Variants in TMPRSS15 observed in about 807,000 individuals in gnomAD.
TMPRSS15 encodes transmembrane serine protease 15.
In TMPRSS15, 128 loss-of-function variants were observed where a neutral mutation model predicts 125.3. The observed-to-expected ratio is 1.02, with a 90% CI of 0.89 to 1.18. The LOEUF (loss-of-function observed/expected upper bound fraction) is 1.18. Among genes scored for constraint, TMPRSS15 ranks in the 50% most tolerant of loss-of-function variants. The pLI is 0.00. For missense variants in TMPRSS15, 1,283 were observed against 1,212.7 expected (o/e 1.06, Z -0.86); for synonymous variants, 446 against 423.2 (o/e 1.05, Z -0.66).
Position 18,372,276 on chromosome 21 carries a change from G to A in TMPRSS15, c.581C>T (p.Ala194Val), listed in dbSNP as rs751580110. ...TAAATCAGCTTTTATACACGTTAGA[G>A]CATCAGTACAAGGACTTGAACCAGG... is the stretch of plus-strand genomic sequence containing the variant. ...CLPGSSPCTD[A>V]LTCIKADLFC... The change falls in exon 6 of 25, where the codon GCT (alanine) becomes GTT (valine). Residue 194 changes from alanine (A) to valine (V), a missense_variant. Physicochemically the swap from Ala to Val is moderately conservative, Grantham distance 64 (BLOSUM62 0). Transcript: ENST00000284885. 2.5e-6 allele frequency: 4 copies of A among 1,613,230 alleles called. No individual in the cohort carries two copies. In the East Asian group the frequency reaches 8.9e-5, roughly 36 times the overall value.
intron 1 of TMPRSS15, among the ~76,000 whole-genome samples, chr21:18,419,473 C>T (rs1243455535): frequency 6.6e-6 from 1 of 152,106 alleles, no homozygotes; most frequent in Non-Finnish European, 1.5e-5. Context: ...GATCCACCTG[C>T]CTCAGCCTCC....
At chr21:18,352,074 G>GGT (rs1555902248) in intron 10 of TMPRSS15, among the ~76,000 whole-genome samples, 3 of 151,370 alleles carry the variant, frequency 2.0e-5, no homozygotes, top group Admixed American at 6.6e-5. Context: ...ACTTTTCACT[G>GGT]TTTTTTTGTA....
chr21:18,479,905 G>T (rs1359141421), intron 1 of TMPRSS15, among the ~76,000 whole-genome samples: 4 of 151,936 alleles, frequency 2.6e-5, no homozygotes, highest in Non-Finnish European at 5.9e-5. Flanking sequence ...CCCAAAGGAT[G>T]ATAAATCATT....
At chr21:18,319,548 C>T (rs2075212833) in intron 16 of TMPRSS15, among the ~76,000 whole-genome samples, 1 of 151,742 alleles carries the variant, frequency 6.6e-6, no homozygotes, top group African/African-American at 2.4e-5. Flanking sequence ...CCTGCCTCAG[C>T]CTCCCAAGTA....
intron 1 of TMPRSS15, among the ~76,000 whole-genome samples, chr21:18,414,728 T>C (rs2076175935): frequency 6.6e-6 from 1 of 152,218 alleles, no homozygotes; most frequent in Non-Finnish European, 1.5e-5. Flanking sequence ...TTTATGCATA[T>C]ATCACATGCT....
At chr21:18,304,547 T>G (rs1032296317) in intron 18 of TMPRSS15, among the ~76,000 whole-genome samples, 1 of 152,186 alleles carries the variant, frequency 6.6e-6, no homozygotes, top group Non-Finnish European at 1.5e-5. Context: ...ATCTTTATTT[T>G]TACTAACTTT....
At chr21:18,290,776 T>C (rs1431395238) in intron 21 of TMPRSS15, among the ~76,000 whole-genome samples, 1 of 152,102 alleles carries the variant, frequency 6.6e-6, no homozygotes, top group Non-Finnish European at 1.5e-5. Context: ...CTGTTTTTAG[T>C]AAAAATACTC....
chr21:18,279,858 T>A (rs573571502), intron 22 of TMPRSS15, among the ~76,000 whole-genome samples: 20 of 152,226 alleles, frequency 1.3e-4, no homozygotes, highest in Middle Eastern at 3.4e-3. Flanking sequence ...TAGGAGATTG[T>A]TTTACAGGGC....
rs997910920 is a variant in TMPRSS15, at chr21:18,467,042, A to G, written c.10+18757T>C. 5.3e-5 allele frequency among the ~76,000 whole-genome samples: 8 copies of G among 152,222 alleles called. No homozygotes were observed. In the South Asian group the frequency reaches 1.7e-3, roughly 32 times the overall value. On this transcript the variant is annotated intron_variant, in intron 1 of 7. Transcript: ENST00000422787. ...CATCAATGATAGACTGGATAAAGAAAATGTGGCACATATACACCATGGAAT... is the reference window on the plus strand; with the variant it reads ...CATCAATGATAGACTGGATAAAGAAGATGTGGCACATATACACCATGGAAT...
At chr21:18,346,862 CTT>C (rs897161233) in intron 10 of TMPRSS15, among the ~76,000 whole-genome samples, 4 of 152,154 alleles carry the variant, frequency 2.6e-5, no homozygotes, top group African/African-American at 9.7e-5. Context: ...TTTATTATCT[CTT>C]TATTTCTTAT....
chr21:18,327,559 G>A (rs1263459791), intron 15 of TMPRSS15, among the ~76,000 whole-genome samples: 1 of 151,996 alleles, frequency 6.6e-6, no homozygotes, highest in Non-Finnish European at 1.5e-5. Context: ...GAAAAGGTTG[G>A]GGAACCCTCC....
intron 1 of TMPRSS15, among the ~76,000 whole-genome samples, chr21:18,431,607 A>G (rs956371954): frequency 5.3e-5 from 8 of 152,204 alleles, no homozygotes; most frequent in Admixed American, 2.0e-4. Context: ...TCCAATAAGA[A>G]CTTTTTTCCA....
chr21:18,365,238 A>T lies in TMPRSS15; in HGVS notation c.675T>A (p.Cys225Ter), dbSNP rs376072076. ...ATCCAGTTAACAAAAATCTTCCATC[A>T]CAAACTGTGGCTGCAAAACGATGCC... ...DEDNKMCATV[C>*]DGRFLLTGSS... Residue 225 changes from cysteine to a stop codon, truncating the protein, a stop_gained, in exon 7 of 25, where the codon TGT (cysteine) becomes TGA (stop). Coordinates refer to ENST00000284885, the MANE Select transcript of TMPRSS15 (RefSeq NM_002772.3). LOFTEE classifies it high-confidence loss of function. 4 of 1,613,862 alleles carry T rather than the reference A, an allele frequency of 2.5e-6. No individual in the cohort carries two copies. Among genetic ancestry groups the T allele is most frequent in the Non-Finnish European group, 3.4e-6 (4 of 1,179,888 alleles).
intron 8 of TMPRSS15, among the ~76,000 whole-genome samples, chr21:18,356,969 C>A (rs1285796265): frequency 1.3e-5 from 2 of 151,722 alleles, no homozygotes; most frequent in East Asian, 1.9e-4. Flanking sequence ...GAATGGAATA[C>A]CAGCTAAGCA....
intron 10 of TMPRSS15, among the ~76,000 whole-genome samples, chr21:18,351,825 T>C (rs1197923965): frequency 2.6e-5 from 4 of 152,154 alleles, no homozygotes; most frequent in African/African-American, 9.7e-5. Context: ...TGAGTAAATA[T>C]AATGCTATAT....
At position 18,403,592 on chromosome 21, in the gene TMPRSS15, G is replaced by C. The variant is rs749676271; in HGVS notation, c.31C>G (p.His11Asp). The change falls in exon 1 of 25, where the codon CAT (histidine) becomes GAT (aspartate). Residue 11 changes from histidine (H) to aspartate (D), a missense_variant. Physicochemically the swap from His to Asp is moderately conservative, Grantham distance 81. Coordinates refer to ENST00000284885, the MANE Select transcript of TMPRSS15 (RefSeq NM_002772.3). ...ATTTCATAGGAGCTGAGAGAATGAT[G>C]CCTAGAAGATATGCCTCTTTTCGAC... is the stretch of plus-strand genomic sequence containing the variant. MGSKRGISSR[H>D]HSLSSYEIMF... 1 of 1,614,150 alleles carries C rather than the reference G, an allele frequency of 6.2e-7. No homozygotes were observed. The highest frequency in any genetic ancestry group is 1.1e-5 in the South Asian group (1 of 91,076).
Position 18,365,128 on chromosome 21 carries a change from A to G in TMPRSS15, c.773+12T>C. ...ATGACTTAAGAACAGAAAATATAAG[A>G]TCTTGTATTACCGTATGATCCACTG... is the stretch of plus-strand genomic sequence containing the variant. On this transcript the variant is annotated intron_variant, in intron 7 of 24. Coordinates refer to ENST00000284885, the MANE Select transcript of TMPRSS15 (RefSeq NM_002772.3). The G allele has an allele frequency of 2.5e-6, 4 of 1,603,844 alleles. No homozygotes were observed. The highest frequency in any genetic ancestry group is 3.4e-6 in the Non-Finnish European group (4 of 1,170,660).
intron 1 of TMPRSS15, among the ~76,000 whole-genome samples, chr21:18,462,225 C>T (rs1978563813): frequency 6.6e-6 from 1 of 151,974 alleles, no homozygotes; most frequent in South Asian, 2.1e-4. Flanking sequence ...TGAAAGAAGA[C>T]TAAAAATTGC....
intron 1 of TMPRSS15, among the ~76,000 whole-genome samples, chr21:18,440,397 G>C (rs2076238803): frequency 1.1e-5 from 1 of 94,566 alleles, no homozygotes; most frequent in South Asian, 3.7e-4. Context: ...AAAGAAAACT[G>C]TAGTGATGTG....
Sources: allele counts gnomAD v4.1 joint callset (sites outside exome capture counted in the v4.1 genomes callset), GRCh38; gene constraint gnomAD v4.1.1; transcripts MANE v1.5; gene names NCBI Gene and HGNC (gene_info 2026-07-23, HGNC 2026-07-21).